MYLK4: variants seen among roughly 807,000 people sequenced by gnomAD.
MYLK4 encodes the protein caMLCK like.
Under a neutral mutation model 48.1 loss-of-function variants are expected in MYLK4, and 46 were observed. That is an observed-to-expected ratio of 0.96 (90% CI 0.75 to 1.22). MYLK4 has a LOEUF of 1.22. Among genes scored for constraint, MYLK4 ranks in the 50% most tolerant of loss-of-function variants. The probability of loss-of-function intolerance (pLI) is 0.00; values close to 1 mark genes in which losing one functional copy is unlikely to be tolerated. For missense variants in MYLK4, 451 were observed against 486.1 expected, an observed-to-expected ratio of 0.93 and a Z score of 0.68; for synonymous variants, 170 against 180.8, an observed-to-expected ratio of 0.94 and a Z score of 0.48.
At chr6:2,762,216 T>C in the MYLK4 span, among the ~76,000 whole-genome samples, 1 of 152,148 alleles carries the variant, frequency 6.6e-6, no homozygotes, top group Non-Finnish European at 1.5e-5. Flanking sequence ...TCTCTCTTAA[T>C]TTTTACTCCC....
chr6:2,729,128 C>T lies in MYLK4; in HGVS notation c.159+20008G>A, dbSNP rs145691822. ...CTCTTTAGCTCACACTCCTGCAAAG[C>T]CACAGTTATGACACACACTTCATGT... On this transcript the variant is annotated intron_variant, in intron 2 of 12. Coordinates refer to ENST00000274643, the MANE Select transcript of MYLK4 (RefSeq NM_001012418.5). Among the ~76,000 whole-genome samples, 9 of 152,344 alleles carry T rather than the reference C, an allele frequency of 5.9e-5. No homozygotes were observed. The East Asian group carries it at 1.7e-3, about 29-fold the overall frequency.
At chr6:2,724,994 T>C (rs2113301072) in intron 2 of MYLK4, among the ~76,000 whole-genome samples, 1 of 152,084 alleles carries the variant, frequency 6.6e-6, no homozygotes, top group East Asian at 1.9e-4. Context: ...CTACTAAAAA[T>C]AGAAAAATTA....
chr6:2,671,280 C>G lies in MYLK4; in HGVS notation c.*21G>C. On this transcript the variant is annotated 3_prime_UTR_variant, in exon 12 of 13. Coordinates refer to ENST00000274643, the MANE Select transcript of MYLK4 (RefSeq NM_001012418.5). Reference sequence around the variant, plus strand: ...TTCAGGAGACCCAAGACTAACCTTCCAAATGGCTGCCTCCTGTAGACTATT... The same window carrying G: ...TTCAGGAGACCCAAGACTAACCTTCGAAATGGCTGCCTCCTGTAGACTATT... 6.2e-7 allele frequency: 1 copy of G among 1,612,764 alleles called. No homozygotes were observed. The highest frequency in any genetic ancestry group is 8.5e-7 in the Non-Finnish European group (1 of 1,178,956).
At chr6:2,735,524 C>G (rs932106426) in intron 2 of MYLK4, among the ~76,000 whole-genome samples, 1 of 152,072 alleles carries the variant, frequency 6.6e-6, no homozygotes, top group East Asian at 1.9e-4. Context: ...CAAAATTATG[C>G]CTAAAATGTA....
In MYLK4 at chr6:2,678,332, C is replaced by A; in HGVS notation, c.928G>T (p.Glu310Ter). Residue 310 changes from glutamate (E) to a stop codon, truncating the protein, a stop_gained, in exon 10 of 13, where the codon GAG becomes TAG. Transcript: ENST00000274643. LOFTEE classifies it high-confidence loss of function. ...CAGGCCAGGATGTTGTTCAGCGTCT[C>A]AGCATCATTGTCACCCAGGAAAGGC... ...LSPFLGDNDA[E>*]TLNNILACRW... 1 of 1,614,032 alleles carries A rather than the reference C, an allele frequency of 6.2e-7. No individual in the cohort carries two copies. The highest frequency in any genetic ancestry group is 1.1e-5 in the South Asian group (1 of 91,060).
the MYLK4 span, among the ~76,000 whole-genome samples, chr6:2,762,924 A>T: frequency 6.6e-6 from 1 of 152,196 alleles, no homozygotes; most frequent in Non-Finnish European, 1.5e-5. Flanking sequence ...AGTGAGTATT[A>T]CCACTCATTA....
chr6:2,723,360 C>T (rs1238084820), intron 2 of MYLK4, among the ~76,000 whole-genome samples: 1 of 152,220 alleles, frequency 6.6e-6, no homozygotes, highest in Non-Finnish European at 1.5e-5. Context: ...AAGGTTCTAA[C>T]TGAAAACTTT....
intron 2 of MYLK4, among the ~76,000 whole-genome samples, chr6:2,704,313 G>A (rs2113225122): frequency 6.6e-6 from 1 of 152,274 alleles, no homozygotes; most frequent in East Asian, 1.9e-4. Context: ...CCAGACTCCT[G>A]TGGTACCTAC....
the MYLK4 span, chr6:2,765,609 G>C: frequency 2.0e-6 from 3 of 1,506,544 alleles, no homozygotes; most frequent in East Asian, 8.5e-5. Context: ...GCGCCGGGGA[G>C]GGCGGCGGCC....
the MYLK4 span, among the ~76,000 whole-genome samples, chr6:2,768,160 C>T: frequency 6.6e-6 from 1 of 152,192 alleles, no homozygotes; most frequent in African/African-American, 2.4e-5. Context: ...AGTGAACATG[C>T]AGAAGTGGCC....
intron 2 of MYLK4, among the ~76,000 whole-genome samples, chr6:2,699,287 C>CTTTTTTTTTTTTTTTTTTGTTTTTTTTTT (rs1762189259): frequency 1.3e-5 from 1 of 77,894 alleles, no homozygotes; most frequent in South Asian, 5.4e-4. Context: ...CTTTTCTTTT[C>CTTTTTTTTTTTTTTTTTTGTTTTTTTTTT]TTTTTTTTTT....
chr6:2,670,114 C>T (rs1276794808), intron 12 of MYLK4, among the ~76,000 whole-genome samples: 2 of 152,156 alleles, frequency 1.3e-5, no homozygotes, highest in African/African-American at 2.4e-5. Context: ...GCCTGTAATC[C>T]TAGCACTTTG....
At chr6:2,704,657 A>G (rs1169395083) in intron 2 of MYLK4, among the ~76,000 whole-genome samples, 1 of 152,242 alleles carries the variant, frequency 6.6e-6, no homozygotes, top group Non-Finnish European at 1.5e-5. Context: ...ATCATGGGAA[A>G]TGAGGTTAGA....
intron 10 of MYLK4, among the ~76,000 whole-genome samples, chr6:2,677,410 G>A (rs1176806922): frequency 6.6e-6 from 1 of 152,140 alleles, no homozygotes; most frequent in East Asian, 1.9e-4. Context: ...AAGCCATAAA[G>A]ATAATAAAAC....
At chr6:2,719,851 G>A in intron 2 of MYLK4, among the ~76,000 whole-genome samples, 1 of 152,322 alleles carries the variant, frequency 6.6e-6, no homozygotes, top group Admixed American at 6.5e-5. Context: ...AGAAAAATTA[G>A]TCTGGGCTGG....
At position 2,702,185 on chromosome 6, in the gene MYLK4, C is replaced by T. The variant is rs571981334; in HGVS notation, c.160-9326G>A. Among the ~76,000 whole-genome samples, 12 of 152,236 alleles carry T rather than the reference C, an allele frequency of 7.9e-5. No individual in the cohort carries two copies. The East Asian group carries it at 2.3e-3, about 29-fold the overall frequency. ...AGCATGCATAACTAGGTATCATGTGCCTGGAACTTTCCACTAATCTCTGGG... is the reference window on the plus strand; with the variant it reads ...AGCATGCATAACTAGGTATCATGTGTCTGGAACTTTCCACTAATCTCTGGG... On this transcript the variant is annotated intron_variant, in intron 2 of 12. Coordinates refer to ENST00000274643, the MANE Select transcript of MYLK4 (RefSeq NM_001012418.5).
At chr6:2,717,708 C>T (rs1208933102) in intron 2 of MYLK4, among the ~76,000 whole-genome samples, 2 of 152,184 alleles carry the variant, frequency 1.3e-5, no homozygotes, top group Non-Finnish European at 2.9e-5. Context: ...AACTGGGCCT[C>T]TGAGAAGTCC....
At position 2,666,131 on chromosome 6, in the gene MYLK4, T is replaced by C. The variant is rs1368283231; in HGVS notation, c.*1794A>G. On this transcript the variant is annotated 3_prime_UTR_variant, in exon 13 of 13. Coordinates refer to ENST00000274643, the MANE Select transcript of MYLK4 (RefSeq NM_001012418.5). ...CATGTGGCCTTCACCAAATCACGTA[T>C]TTCCTTCTATCTCTACTTCCTCCTT... 1 of 152,198 alleles carries C rather than the reference T, an allele frequency of 6.6e-6. No individual in the cohort carries two copies. The highest frequency in any genetic ancestry group is 1.5e-5 in the Non-Finnish European group (1 of 68,040). The allele number at this position is 152,198 out of a possible 1,614,324, so 9.4% of individuals were successfully genotyped here. A position where few individuals can be genotyped will look rare whatever the true frequency, so the allele number is the denominator to read the frequency against.
At chr6:2,695,449 C>A (rs1336230791) in intron 2 of MYLK4, among the ~76,000 whole-genome samples, 2 of 152,340 alleles carry the variant, frequency 1.3e-5, no homozygotes, top group East Asian at 1.9e-4. Context: ...CACATGCTAA[C>A]CCAATATTCT....
Sources: gnomAD v4.1 joint callset for allele counts (sites outside exome capture counted in the v4.1 genomes callset) on GRCh38, gnomAD v4.1.1 for gene constraint, MANE v1.5 for transcripts, NCBI Gene and HGNC (gene_info 2026-07-23, HGNC 2026-07-21) for gene names.